Variants in FTCDNL1 observed in about 807,000 individuals in gnomAD.
The protein encoded by FTCDNL1 is formiminotransferase cyclodeaminase N-terminal like.
FTCDNL1 carries 11 observed loss-of-function variants against 5.9 expected under a neutral mutation model. The ratio of observed to expected loss-of-function variants is 1.87; its 90% CI spans 1.18 to 3.10. FTCDNL1 has a LOEUF of 3.10. Among genes scored for constraint, FTCDNL1 ranks in the 30% most tolerant of loss-of-function variants. The pLI, the probability that FTCDNL1 is intolerant of heterozygous loss-of-function variation, is 0.00. For missense variants in FTCDNL1, 115 were observed against 65.5 expected, an observed-to-expected ratio of 1.76 and a Z score of -2.61; for synonymous variants, 58 against 24.8, an observed-to-expected ratio of 2.34 and a Z score of -3.99.
the FTCDNL1 span, among the ~76,000 whole-genome samples, chr2:199,678,441 G>T: frequency 6.6e-6 from 1 of 152,148 alleles, no homozygotes; most frequent in Non-Finnish European, 1.5e-5. Flanking sequence ...TTAAAGGTAT[G>T]CCATGCAGGA....
At chr2:199,772,430 A>C (rs1009345648) in intron 3 of FTCDNL1, among the ~76,000 whole-genome samples, 1 of 152,128 alleles carries the variant, frequency 6.6e-6, no homozygotes, top group African/African-American at 2.4e-5. Flanking sequence ...ACTTAACTCT[A>C]GTTTTCTCTG....
the FTCDNL1 span, among the ~76,000 whole-genome samples, chr2:199,683,637 T>C: frequency 6.6e-6 from 1 of 151,742 alleles, no homozygotes; most frequent in Admixed American, 6.6e-5. Flanking sequence ...AGTTGACTGC[T>C]GTAAAGATGG....
intron 3 of FTCDNL1, among the ~76,000 whole-genome samples, chr2:199,778,064 T>C (rs1699181116): frequency 1.3e-5 from 2 of 152,140 alleles, no homozygotes; most frequent in African/African-American, 4.8e-5. Context: ...CACCTGCCAC[T>C]TAAAACAGGT....
chr2:199,703,797 T>C, the FTCDNL1 span, among the ~76,000 whole-genome samples: 2 of 152,228 alleles, frequency 1.3e-5, no homozygotes, highest in Non-Finnish European at 2.9e-5. Context: ...TATTTTCTTA[T>C]TATTGTATGT....
At chr2:199,754,864 C>CA in the FTCDNL1 span, among the ~76,000 whole-genome samples, 1 of 152,184 alleles carries the variant, frequency 6.6e-6, no homozygotes, top group Non-Finnish European at 1.5e-5. Context: ...TAATTTTAAA[C>CA]TATATATATG....
chr2:199,833,135 A>AT (rs905403395), intron 3 of FTCDNL1, among the ~76,000 whole-genome samples: 2 of 152,008 alleles, frequency 1.3e-5, no homozygotes, highest in Non-Finnish European at 2.9e-5. Context: ...CACCTGGCTA[A>AT]TTTTTTTAAA....
At chr2:199,679,020 G>A in the FTCDNL1 span, among the ~76,000 whole-genome samples, 1 of 152,074 alleles carries the variant, frequency 6.6e-6, no homozygotes, top group African/African-American at 2.4e-5. Flanking sequence ...CAGAAAGCTT[G>A]TACCAATTCA....
chr2:199,697,316 G>T, the FTCDNL1 span, among the ~76,000 whole-genome samples: 1 of 151,920 alleles, frequency 6.6e-6, no homozygotes, highest in Admixed American at 6.6e-5. Flanking sequence ...CTATCCCCAA[G>T]ACACATAGTG....
the FTCDNL1 span, among the ~76,000 whole-genome samples, chr2:199,709,129 C>G: frequency 6.6e-6 from 1 of 152,002 alleles, no homozygotes; most frequent in Admixed American, 6.6e-5. Flanking sequence ...TGTTCCATAT[C>G]TTTCTCCAGT....
chr2:199,757,664 C>G (rs1288949953), downstream of FTCDNL1, among the ~76,000 whole-genome samples: 3 of 152,184 alleles, frequency 2.0e-5, no homozygotes, highest in East Asian at 5.8e-4. Flanking sequence ...ACCAGCCCAG[C>G]CACTTGAAGC....
rs572072448 is a variant in FTCDNL1 at position 199,851,133 on chromosome 2, G to C, written c.-401C>G. The C allele has an allele frequency of 7.3e-6, 1 of 137,832 alleles. No individual in the cohort carries two copies. Among genetic ancestry groups the C allele is most frequent in the African/African-American group, 3.0e-5 (1 of 33,002 alleles). The allele number at this position is 137,832 out of a possible 1,614,324, so 8.5% of individuals were successfully genotyped here. Reference sequence around the variant, plus strand: ...CCCAGCCCAAGTCGCCGCCGCGCGTGGCCCGCGCGCAGCCTCCGCCGCCGC... The same window carrying C: ...CCCAGCCCAAGTCGCCGCCGCGCGTCGCCCGCGCGCAGCCTCCGCCGCCGC... On this transcript the variant is annotated 5_prime_UTR_variant, in exon 1 of 5. Coordinates refer to ENST00000420128, the MANE Select transcript of FTCDNL1 (RefSeq NM_001363886.2).
chr2:199,809,321 G>A lies in FTCDNL1; in HGVS notation c.*3384C>T, dbSNP rs1700902291. Reference sequence around the variant, plus strand: ...GACCAAGCTGGTCTCAAACTCCTGGGTTCAAGTGATCCTCCTACCTTGGCC... The same window carrying A: ...GACCAAGCTGGTCTCAAACTCCTGGATTCAAGTGATCCTCCTACCTTGGCC... On this transcript the variant is annotated 3_prime_UTR_variant, in exon 5 of 5. Transcript: ENST00000420128. Among the ~76,000 whole-genome samples the A allele has an allele frequency of 6.6e-6, 1 of 150,944 alleles. No homozygotes were observed. The highest frequency in any genetic ancestry group is 2.4e-5 in the African/African-American group (1 of 40,954).
chr2:199,819,891 A>C (rs1157193863), intron 3 of FTCDNL1, 134 bp from the exon 4 acceptor site: 1 of 602,868 alleles, frequency 1.7e-6, no homozygotes, highest in Non-Finnish European at 3.0e-6. Flanking sequence ...CTAAGTGTCC[A>C]GATCAGTGGC....
At chr2:199,826,792 T>C (rs1163973343) in intron 3 of FTCDNL1, among the ~76,000 whole-genome samples, 1 of 152,120 alleles carries the variant, frequency 6.6e-6, no homozygotes, top group African/African-American at 2.4e-5. Context: ...AGACTCCGTC[T>C]CAAAAAACAA....
At chr2:199,771,332 C>T (rs1574462662) in intron 3 of FTCDNL1, among the ~76,000 whole-genome samples, 1 of 152,108 alleles carries the variant, frequency 6.6e-6, no homozygotes, top group African/African-American at 2.4e-5. Flanking sequence ...TATCAGACAC[C>T]ATTTAGTGCC....
In FTCDNL1 at chr2:199,819,677, T is replaced by G. The variant is rs1372662147; in HGVS notation, c.292A>C (p.Ser98Arg). ...AGCTGCTTCCTTCTCTGCACAAGAC[T>G]GCGCTTCTCAGGCAGGTCAGCTTCG... ...FGEADLPEKRSLVQRRKQLGW... is the reference protein window; with the variant it reads ...FGEADLPEKRRLVQRRKQLGW... The change falls in exon 4 of 5, where the codon AGT (serine) becomes CGT (arginine). Residue 98 changes from serine to arginine, a missense_variant. Ser to Arg is a moderately radical substitution (Grantham distance 110, BLOSUM62 -1). Coordinates refer to ENST00000420128, the MANE Select transcript of FTCDNL1 (RefSeq NM_001363886.2). 2 of 702,348 alleles carry G rather than the reference T, an allele frequency of 2.8e-6. No homozygotes were observed. The highest frequency in any genetic ancestry group is 3.0e-5 in the South Asian group (2 of 67,590). 43.5% of individuals were successfully genotyped at this position (702,348 alleles called of 1,614,324 possible).
At chr2:199,835,105 G>A (rs1383881777) in intron 3 of FTCDNL1, among the ~76,000 whole-genome samples, 1 of 152,056 alleles carries the variant, frequency 6.6e-6, no homozygotes, top group African/African-American at 2.4e-5. Context: ...TTGAGCCCAG[G>A]AGGTCAAGGC....
At chr2:199,736,507 T>C in the FTCDNL1 span, among the ~76,000 whole-genome samples, 1 of 152,250 alleles carries the variant, frequency 6.6e-6, no homozygotes, top group Admixed American at 6.5e-5. Context: ...ACCTGCAGCA[T>C]TCTCCCTTAA....
the FTCDNL1 span, among the ~76,000 whole-genome samples, chr2:199,739,655 A>G: frequency 6.6e-6 from 1 of 152,204 alleles, no homozygotes; most frequent in Non-Finnish European, 1.5e-5. Flanking sequence ...CCAAACCAAA[A>G]CAAAAAACCC....
Sources: allele counts gnomAD v4.1 joint callset (sites outside exome capture counted in the v4.1 genomes callset), GRCh38; gene constraint gnomAD v4.1.1; transcripts MANE v1.5; gene names NCBI Gene and HGNC (gene_info 2026-07-23, HGNC 2026-07-21).